The following SNIP1 variants were observed in gnomAD, a reference collection of about 807,000 sequenced individuals.
SNIP1 encodes smad nuclear-interacting protein 1.
A neutral mutation model predicts 37.4 loss-of-function variants in SNIP1; 23 were observed. The observed-to-expected ratio is 0.61, with a 90% CI of 0.44 to 0.87. The LOEUF (loss-of-function observed/expected upper bound fraction) is 0.87, where lower values mean the gene tolerates loss of function less well. Ranked by LOEUF, SNIP1 falls within the 40% of genes least tolerant of loss-of-function variation. The probability of loss-of-function intolerance (pLI) is 0.00; values close to 1 mark genes in which losing one functional copy is unlikely to be tolerated. For synonymous variants in SNIP1, 174 were observed against 200.0 expected (o/e 0.87, Z 1.10); for missense variants, 459 against 540.4 (o/e 0.85, Z 1.49).
Position 37,540,075 on chromosome 1 carries a change from T to G in SNIP1, c.926+82A>C, listed in dbSNP as rs1643154300. 9.4e-6 allele frequency: 12 copies of G among 1,278,480 alleles called. No individual in the cohort carries two copies. Among genetic ancestry groups the G allele is most frequent in the Non-Finnish European group, 1.2e-5 (11 of 917,956 alleles). 79.2% of individuals were successfully genotyped at this position (1,278,480 alleles called of 1,614,324 possible). On this transcript the variant is annotated intron_variant, in intron 3 of 3. Coordinates refer to ENST00000296215, the MANE Select transcript of SNIP1 (RefSeq NM_024700.4). This position sits in a 1 kb window ranked among gnomAD's most constrained non-coding sequence, Gnocchi z 5.6. ...ATGAGGGGTATGGGATTCTTCTGCA[T>G]AAACATGAACAAAAATCTTAGTAAT...
At chr1:37,544,004 G>C (rs1420889988) in intron 2 of SNIP1, among the ~76,000 whole-genome samples, 1 of 151,962 alleles carries the variant, frequency 6.6e-6, no homozygotes, top group African/African-American at 2.4e-5. Context: ...AAATTAGCCA[G>C]GTGTGGTAGC....
Position 37,535,506 on chromosome 1 carries a change from TC to T in SNIP1, c.*2241del, listed in dbSNP as rs1393445570. The stretch of plus-strand genomic sequence containing the variant: ...AAAAACTGACTAAACAATTAGGACT[TC>T]TTACTGAAAAATGTAGGCAAAGTGG... On this transcript the variant is annotated 3_prime_UTR_variant, in exon 4 of 4. Transcript: ENST00000296215. 1 of 152,080 alleles carries T rather than the reference TC, an allele frequency of 6.6e-6. No individual in the cohort carries two copies. Among genetic ancestry groups the T allele is most frequent in the East Asian group, 1.9e-4 (1 of 5,190 alleles). The allele number at this position is 152,080 out of a possible 1,614,324, so 9.4% of individuals were successfully genotyped here. A position where few individuals can be genotyped will look rare whatever the true frequency, so the allele number is the denominator to read the frequency against.
intron 2 of SNIP1, among the ~76,000 whole-genome samples, chr1:37,542,623 C>G (rs1447006019): frequency 6.6e-6 from 1 of 151,970 alleles, no homozygotes; most frequent in Non-Finnish European, 1.5e-5. Flanking sequence ...GCCTGTAGTC[C>G]CAGCTACTCG....
At chr1:37,542,665 G>A (rs1220706386) in intron 2 of SNIP1, among the ~76,000 whole-genome samples, 3 of 152,020 alleles carry the variant, frequency 2.0e-5, no homozygotes, top group African/African-American at 4.8e-5. Context: ...GCTTGAGCCT[G>A]GGAGGCAGAG....
chr1:37,551,074 GACACAC>G (rs55724495), intron 2 of SNIP1, among the ~76,000 whole-genome samples: 7,125 of 143,962 alleles, frequency 0.049, 239 homozygotes, highest in Non-Finnish European at 0.073. Flanking sequence ...CAGCCTGGGT[GACACAC>G]ACACACACAC....
chr1:37,537,545 G>A lies in SNIP1; in HGVS notation c.*203C>T, dbSNP rs1360296652. The A allele has an allele frequency of 3.6e-6, 2 of 556,976 alleles. No individual in the cohort carries two copies. Among genetic ancestry groups the A allele is most frequent in the Non-Finnish European group, 6.2e-6 (2 of 320,952 alleles). 34.5% of individuals were successfully genotyped at this position (556,976 alleles called of 1,614,324 possible). A position where few individuals can be genotyped will look rare whatever the true frequency, so the allele number is the denominator to read the frequency against. On this transcript the variant is annotated 3_prime_UTR_variant, in exon 4 of 4. Coordinates refer to ENST00000296215, the MANE Select transcript of SNIP1 (RefSeq NM_024700.4). ...AAATGCCTGCAGGCATGTGGCCAAG[G>A]TGCCACAGAAAAAGTTTAACAAACA... is the stretch of plus-strand genomic sequence containing the variant.
rs924680777 is a variant in SNIP1 at position 37,550,598 on chromosome 1, T to C, written c.327+2047A>G. 2.6e-5 allele frequency among the ~76,000 whole-genome samples: 4 copies of C among 151,918 alleles called. No homozygotes were observed. In the East Asian group the frequency reaches 5.8e-4, roughly 22 times the overall value. On this transcript the variant is annotated intron_variant, in intron 2 of 3. Transcript: ENST00000296215. ...GGCACGAGCCTGTAATCTCAGCTAC[T>C]TGGGAGGCTGAGGCAGGAGAATCCC...
chr1:37,545,175 G>A, intron 2 of SNIP1: 1 of 706,906 alleles, frequency 1.4e-6, no homozygotes, highest in East Asian at 2.7e-5. Flanking sequence ...TGAATGAGCA[G>A]GGGAAATCCA....
rs1383057923 is a variant in SNIP1 at position 37,536,937 on chromosome 1, A to G, written c.*811T>C. ...GTTTATTTCTCAAAGAAAAAAAGAG[A>G]TAACATTTGAATAAAAATGCAAAAC... On this transcript the variant is annotated 3_prime_UTR_variant, in exon 4 of 4. Coordinates refer to ENST00000296215, the MANE Select transcript of SNIP1 (RefSeq NM_024700.4). 2 of 152,138 alleles carry G rather than the reference A, an allele frequency of 1.3e-5. No individual in the cohort carries two copies. Among genetic ancestry groups the G allele is most frequent in the African/African-American group, 4.8e-5 (2 of 41,458 alleles). The allele number at this position is 152,138 out of a possible 1,614,324, so 9.4% of individuals were successfully genotyped here. A position where few individuals can be genotyped will look rare whatever the true frequency, so the allele number is the denominator to read the frequency against.
At chr1:37,541,691 G>C (rs1222932117) in intron 2 of SNIP1, 2 of 151,864 alleles carry the variant, frequency 1.3e-5, no homozygotes, top group Admixed American at 1.3e-4. Context: ...AATTCAGCCT[G>C]GTAGAAAATG....
At chr1:37,547,009 G>A (rs904468850) in intron 2 of SNIP1, among the ~76,000 whole-genome samples, 5 of 152,086 alleles carry the variant, frequency 3.3e-5, no homozygotes, top group African/African-American at 9.7e-5. Flanking sequence ...ACACTGGATC[G>A]CCCCTGGATT....
At chr1:37,539,851 C>T (rs898834959) in intron 3 of SNIP1, among the ~76,000 whole-genome samples, 6 of 152,014 alleles carry the variant, frequency 3.9e-5, no homozygotes, top group African/African-American at 9.7e-5. Context: ...CTCAGGAGGC[C>T]GAGGCAGGAG....
rs143428642 is a variant in SNIP1 at position 37,540,653 on chromosome 1, G to A, written c.430C>T (p.Arg144Trp). The change falls in exon 3 of 4, where the codon CGG (arginine) becomes TGG (tryptophan). Residue 144 changes from arginine to tryptophan, a missense_variant. Coordinates refer to ENST00000296215, the MANE Select transcript of SNIP1 (RefSeq NM_024700.4). The surrounding 1 kb of genome is among the most constrained non-coding windows in gnomAD (Gnocchi z 5.6). ...GTTCTCCTTTGGTGGGAATGGCCCCGGTGTCTGTCCCGGTCACTGTTCCTA... is the reference window on the plus strand; with the variant it reads ...GTTCTCCTTTGGTGGGAATGGCCCCAGTGTCTGTCCCGGTCACTGTTCCTA... ...RARNSDRDRH[R>W]GHSHQRRTSN... 5.1e-5 allele frequency: 83 copies of A among 1,614,066 alleles called. No homozygotes were observed. In the African/African-American group the frequency reaches 6.7e-4, roughly 13 times the overall value.
rs12406905 is a variant in SNIP1 at position 37,554,098 on chromosome 1, G to A, written c.132C>T (p.Arg44=). The A allele has an allele frequency of 6.2e-7, 1 of 1,611,096 alleles. No individual in the cohort carries two copies. Among genetic ancestry groups the A allele is most frequent in the Non-Finnish European group, 8.5e-7 (1 of 1,179,016 alleles). ...LSPEVAPPAH[R]RPDHSGGSPS... Reference sequence around the variant, plus strand: ...GGCTACCACCGGAGTGGTCCGGACGGCGGTGGGCGGGAGGTGCGACTTCTG... The same window carrying A: ...GGCTACCACCGGAGTGGTCCGGACGACGGTGGGCGGGAGGTGCGACTTCTG... Residue 44 remains arginine, a synonymous_variant, in exon 1 of 4, where the codon CGC becomes CGT. Transcript: ENST00000296215.
intron 2 of SNIP1, among the ~76,000 whole-genome samples, chr1:37,546,389 A>C: frequency 6.6e-6 from 1 of 151,770 alleles, no homozygotes; most frequent in Non-Finnish European, 1.5e-5. Flanking sequence ...AATAAGCCAT[A>C]ACGGCCGGGT....
chr1:37,547,633 T>C (rs531651117), intron 2 of SNIP1, among the ~76,000 whole-genome samples: 39 of 150,552 alleles, frequency 2.6e-4, no homozygotes, highest in Admixed American at 4.0e-4. Flanking sequence ...ACTGGGGAGG[T>C]TGAGGCACGA....
chr1:37,545,260 C>T, intron 2 of SNIP1: 1 of 643,706 alleles, frequency 1.6e-6, no homozygotes, highest in Non-Finnish European at 2.9e-6. Context: ...GAATATTTCT[C>T]TGACAAGCAC....
At chr1:37,552,827 TA>T in intron 1 of SNIP1, 80 bp from the exon 2 acceptor site, 3 of 1,121,366 alleles carry the variant, frequency 2.7e-6, no homozygotes, top group Non-Finnish European at 4.1e-6. Flanking sequence ...CAGGCTTACC[TA>T]CTAACACAAA....
chr1:37,544,956 T>C (rs1643215443), intron 2 of SNIP1: 10 of 812,514 alleles, frequency 1.2e-5, no homozygotes, highest in Non-Finnish European at 2.2e-5. Context: ...GCCAAGAAAC[T>C]GATGAAGCTG....
Sources: gnomAD v4.1 joint callset for allele counts (sites outside exome capture counted in the v4.1 genomes callset) on GRCh38, gnomAD v4.1.1 for gene constraint, Gnocchi (gnomAD v3.1) non-coding constraint, MANE v1.5 for transcripts, NCBI Gene and HGNC (gene_info 2026-07-23, HGNC 2026-07-21) for gene names.